Variants in MACROD2 observed in about 807,000 individuals in gnomAD.
MACROD2 encodes ADP-ribose glycohydrolase MACROD2.
A neutral mutation model predicts 70.4 loss-of-function variants in MACROD2; 36 were observed. The observed-to-expected ratio is 0.51, with a 90% CI of 0.39 to 0.68. The LOEUF is 0.68. Among genes scored for constraint, MACROD2 ranks in the 30% least tolerant of loss-of-function variants. The probability of loss-of-function intolerance (pLI) is 0.00; values close to 1 mark genes in which losing one functional copy is unlikely to be tolerated. For synonymous variants in MACROD2, 172 were observed against 178.8 expected, an observed-to-expected ratio of 0.96 and a Z score of 0.30; for missense variants, 496 against 538.4, an observed-to-expected ratio of 0.92 and a Z score of 0.78.
intron 15 of MACROD2, among the ~76,000 whole-genome samples, chr20:16,014,560 A>T (rs923612535): frequency 3.3e-5 from 5 of 152,164 alleles, no homozygotes; most frequent in African/African-American, 1.2e-4. Flanking sequence ...TCCACTACAG[A>T]GTCTGTGTGC....
intron 8 of MACROD2, among the ~76,000 whole-genome samples, chr20:15,627,431 C>T (rs1282014470): frequency 6.6e-6 from 1 of 152,108 alleles, no homozygotes. Flanking sequence ...CCATGCCATA[C>T]AGGAGACCAA....
intron 4 of MACROD2, among the ~76,000 whole-genome samples, chr20:14,639,534 A>G (rs1331634026): frequency 1.3e-5 from 2 of 152,182 alleles, no homozygotes; most frequent in African/African-American, 4.8e-5. Context: ...CTGTGGCCAG[A>G]CAGGACTGTG....
intron 4 of MACROD2, among the ~76,000 whole-genome samples, chr20:14,653,187 A>T (rs1351709044): frequency 6.7e-6 from 1 of 149,486 alleles, no homozygotes; most frequent in East Asian, 2.0e-4. Context: ...AGTAGCTGGG[A>T]CTATAGGCAT....
intron 9 of MACROD2, among the ~76,000 whole-genome samples, chr20:15,864,958 A>T (rs972713288): frequency 6.6e-6 from 1 of 152,160 alleles, no homozygotes. Flanking sequence ...GACTACTAAT[A>T]TACATAATAT....
At chr20:15,801,870 T>C (rs2063729483) in intron 8 of MACROD2, among the ~76,000 whole-genome samples, 2 of 152,162 alleles carry the variant, frequency 1.3e-5, no homozygotes, top group South Asian at 2.1e-4. Context: ...CCCTTTCATT[T>C]TCTTTCATTA....
intron 3 of MACROD2, among the ~76,000 whole-genome samples, chr20:14,435,587 G>T (rs2084047437): frequency 6.6e-6 from 1 of 152,118 alleles, no homozygotes. Flanking sequence ...CGTCATTATA[G>T]GTCCTGAAGA....
At chr20:15,369,795 G>A (rs2045466057) in intron 6 of MACROD2, among the ~76,000 whole-genome samples, 1 of 152,142 alleles carries the variant, frequency 6.6e-6, no homozygotes, top group Non-Finnish European at 1.5e-5. Flanking sequence ...AGTAGACTGA[G>A]TTCTTTTTCC....
At chr20:14,582,343 G>A (rs1052078411) in intron 4 of MACROD2, among the ~76,000 whole-genome samples, 21 of 151,964 alleles carry the variant, frequency 1.4e-4, no homozygotes, top group Admixed American at 2.6e-4. Flanking sequence ...CTGGAAAAGA[G>A]CCCTATCCCC....
chr20:15,488,182 C>T (rs1046370524), intron 7 of MACROD2, among the ~76,000 whole-genome samples: 7 of 152,106 alleles, frequency 4.6e-5, no homozygotes, highest in African/African-American at 1.7e-4. Flanking sequence ...ATCAAGGTCA[C>T]GTGCATGGAG....
At chr20:15,363,280 T>TA (rs749003705) in intron 6 of MACROD2, among the ~76,000 whole-genome samples, 2 of 152,288 alleles carry the variant, frequency 1.3e-5, no homozygotes, top group South Asian at 2.1e-4. Flanking sequence ...ACCATCCTGT[T>TA]AAAAAATCTA....
rs566521234 is a variant in MACROD2 at position 16,024,071 on chromosome 20, C to G, written c.1154-17130C>G. Reference sequence around the variant, plus strand: ...CATCAACAATAGCTGCTCCAAATAGCTAGGAGACTTAGGTGTCTTAATTGC... The same window carrying G: ...CATCAACAATAGCTGCTCCAAATAGGTAGGAGACTTAGGTGTCTTAATTGC... On this transcript the variant is annotated intron_variant, in intron 15 of 17. Coordinates refer to ENST00000684519, the MANE Select transcript of MACROD2 (RefSeq NM_001351661.2). 3.9e-5 allele frequency among the ~76,000 whole-genome samples: 6 copies of G among 152,284 alleles called. No individual in the cohort carries two copies. In the South Asian group the frequency reaches 1.2e-3, roughly 32 times the overall value.
intron 3 of MACROD2, among the ~76,000 whole-genome samples, chr20:14,141,345 C>G (rs2054870407): frequency 6.6e-6 from 1 of 152,146 alleles, no homozygotes; most frequent in Non-Finnish European, 1.5e-5. Flanking sequence ...TCAGAAATAT[C>G]TGTGTTTGAA....
chr20:14,638,075 C>T (rs1042232873), intron 4 of MACROD2, among the ~76,000 whole-genome samples: 1 of 151,756 alleles, frequency 6.6e-6, no homozygotes, highest in Middle Eastern at 3.4e-3. Flanking sequence ...AAAAGTAGCT[C>T]AGTTCCTTTT....
intron 5 of MACROD2, among the ~76,000 whole-genome samples, chr20:14,779,822 T>G (rs2072277650): frequency 6.6e-6 from 1 of 152,142 alleles, no homozygotes; most frequent in Non-Finnish European, 1.5e-5. Flanking sequence ...TAATTACCAG[T>G]CAATATTTAT....
At chr20:14,450,686 A>G (rs912217995) in intron 3 of MACROD2, among the ~76,000 whole-genome samples, 8 of 152,140 alleles carry the variant, frequency 5.3e-5, no homozygotes, top group Admixed American at 4.6e-4. Flanking sequence ...TATGCTATAT[A>G]GTTATACTTA....
chr20:14,520,439 G>T (rs896158398), intron 4 of MACROD2, among the ~76,000 whole-genome samples: 2 of 150,774 alleles, frequency 1.3e-5, no homozygotes, highest in Non-Finnish European at 3.0e-5. Flanking sequence ...TTTGCTTGTT[G>T]GTTTGAAAGA....
intron 8 of MACROD2, among the ~76,000 whole-genome samples, chr20:15,679,380 A>G (rs1194043236): frequency 1.3e-5 from 2 of 152,152 alleles, no homozygotes; most frequent in Non-Finnish European, 2.9e-5. Flanking sequence ...TAGCAGGTGC[A>G]CCAGGCAAAG....
At chr20:15,750,453 T>A (rs1229969713) in intron 8 of MACROD2, among the ~76,000 whole-genome samples, 1 of 152,066 alleles carries the variant, frequency 6.6e-6, no homozygotes, top group Non-Finnish European at 1.5e-5. Context: ...TTGACAAAAT[T>A]TTTAAAATCC....
At chr20:14,286,066 C>T (rs1021895925) in intron 3 of MACROD2, among the ~76,000 whole-genome samples, 1 of 151,520 alleles carries the variant, frequency 6.6e-6, no homozygotes, top group African/African-American at 2.4e-5. Flanking sequence ...TATATGTTCA[C>T]TAGCATTTTG....
Sources: allele counts gnomAD v4.1 joint callset (sites outside exome capture counted in the v4.1 genomes callset), GRCh38; gene constraint gnomAD v4.1.1; transcripts MANE v1.5; gene names NCBI Gene and HGNC (gene_info 2026-07-23, HGNC 2026-07-21).